The following RNF144B variants were observed in gnomAD, a reference collection of about 807,000 sequenced individuals.
The protein encoded by RNF144B is ring finger protein 144B.
Under a neutral mutation model 40.2 loss-of-function variants are expected in RNF144B, and 25 were observed. That is an observed-to-expected ratio of 0.62 (90% CI 0.45 to 0.87). The LOEUF (loss-of-function observed/expected upper bound fraction) is 0.87, where lower values mean the gene tolerates loss of function less well. RNF144B is among the 40% of genes least tolerant of loss of function. The pLI, the probability that RNF144B is intolerant of heterozygous loss-of-function variation, is 0.00. For missense variants in RNF144B, 365 were observed against 373.7 expected, an observed-to-expected ratio of 0.98 and a Z score of 0.19; for synonymous variants, 145 against 136.3, an observed-to-expected ratio of 1.06 and a Z score of -0.44.
chr6:18,451,453 A>T (rs1759208206), intron 4 of RNF144B, among the ~76,000 whole-genome samples: 4 of 152,220 alleles, frequency 2.6e-5, no homozygotes, highest in African/African-American at 9.6e-5. Flanking sequence ...AAAGAAACCT[A>T]GAAGTAAGAC....
chr6:18,417,120 A>G (rs1795160021), intron 2 of RNF144B, among the ~76,000 whole-genome samples: 1 of 152,316 alleles, frequency 6.6e-6, no homozygotes, highest in Admixed American at 6.5e-5. Flanking sequence ...TAAATAAAAG[A>G]TATCCCATCT....
intron 2 of RNF144B, among the ~76,000 whole-genome samples, chr6:18,411,462 C>CATATATATATATATATAT (rs767477071): frequency 1.7e-5 from 1 of 59,364 alleles, no homozygotes; most frequent in Non-Finnish European, 2.8e-5. Context: ...GTGCATGATT[C>CATATATATATATATATAT]ATATATATAT....
chr6:18,391,934 T>TA (rs1794589109), intron 1 of RNF144B, among the ~76,000 whole-genome samples: 1 of 142,416 alleles, frequency 7.0e-6, no homozygotes, highest in Non-Finnish European at 1.5e-5. Context: ...CGCGGTGACT[T>TA]ACGCCTGTAA....
Position 18,422,371 on chromosome 6 carries a change from G to A in RNF144B, c.166-5210G>A, listed in dbSNP as rs891361516. 2.6e-5 allele frequency among the ~76,000 whole-genome samples: 4 copies of A among 152,300 alleles called. No individual in the cohort carries two copies. Among genetic ancestry groups the A allele is most frequent in the East Asian group, 1.9e-4 (1 of 5,188 alleles). ...ACTGGAAACATTGTGATGTCATTGTGCACTGAGGCAGGGAAATGTTAGTCT... is the reference window on the plus strand; with the variant it reads ...ACTGGAAACATTGTGATGTCATTGTACACTGAGGCAGGGAAATGTTAGTCT... On this transcript the variant is annotated intron_variant, in intron 2 of 7. Coordinates refer to ENST00000259939, the MANE Select transcript of RNF144B (RefSeq NM_182757.4). This position sits in a 1 kb window ranked among gnomAD's most constrained non-coding sequence, Gnocchi z 4.7.
chr6:18,465,078 G>A lies in RNF144B; in HGVS notation c.*11G>A. On this transcript the variant is annotated 3_prime_UTR_variant, in exon 8 of 8. Coordinates refer to ENST00000259939, the MANE Select transcript of RNF144B (RefSeq NM_182757.4). ...CCATCCACAACCTAAAGATCTCTGT[G>A]TTCATACGCCCCAGATATGTGAGTT... 2 of 1,613,094 alleles carry A rather than the reference G, an allele frequency of 1.2e-6. No homozygotes were observed. Among genetic ancestry groups the A allele is most frequent in the Non-Finnish European group, 1.7e-6 (2 of 1,179,586 alleles).
At chr6:18,391,530 C>CT (rs1271831190) in intron 1 of RNF144B, among the ~76,000 whole-genome samples, 5 of 152,122 alleles carry the variant, frequency 3.3e-5, no homozygotes, top group Non-Finnish European at 7.4e-5. Flanking sequence ...GGGCCTTACC[C>CT]TGTAGGGTAA....
chr6:18,436,328 G>A (rs771911831), intron 3 of RNF144B, among the ~76,000 whole-genome samples: 1 of 152,162 alleles, frequency 6.6e-6, no homozygotes, highest in Non-Finnish European at 1.5e-5. Context: ...CTAGGTACAA[G>A]TTGGTTACCT....
rs963150019 is a variant in RNF144B, at chr6:18,459,774, G to A, written c.681+23G>A. On this transcript the variant is annotated intron_variant, in intron 6 of 7. Transcript: ENST00000259939. This position sits in a 1 kb window ranked among gnomAD's most constrained non-coding sequence, Gnocchi z 4.2. ...GATGTAAGTTCCACCTAGGTTTGTT[G>A]TATGGTGTTTCCTATACTGTATCTG... The A allele has an allele frequency of 6.2e-7, 1 of 1,611,724 alleles. No individual in the cohort carries two copies.
rs1794672097 is a variant in RNF144B at position 18,395,342 on chromosome 6, AGT to A, written c.-36-4152_-36-4151del. The stretch of plus-strand genomic sequence containing the variant: ...AATGGGAGGGACAGGAGGAGCTGGG[AGT>A]GTGTTATCAAATGCCCTGAGCTTCC... On this transcript the variant is annotated intron_variant, in intron 1 of 7. Coordinates refer to ENST00000259939, the MANE Select transcript of RNF144B (RefSeq NM_182757.4). This position sits in a 1 kb window ranked among gnomAD's most constrained non-coding sequence, Gnocchi z 4.5. 2.6e-5 allele frequency among the ~76,000 whole-genome samples: 4 copies of A among 152,014 alleles called. No individual in the cohort carries two copies. In the South Asian group the frequency reaches 8.3e-4, roughly 32 times the overall value.
At position 18,442,988 on chromosome 6, in the gene RNF144B, G is replaced by A. The variant is rs12527558; in HGVS notation, c.331+3244G>A. Among the ~76,000 whole-genome samples, 1 of 152,102 alleles carries A rather than the reference G, an allele frequency of 6.6e-6. No individual in the cohort carries two copies. Among genetic ancestry groups the A allele is most frequent in the Admixed American group, 6.5e-5 (1 of 15,272 alleles). On this transcript the variant is annotated intron_variant, in intron 4 of 7. Coordinates refer to ENST00000259939, the MANE Select transcript of RNF144B (RefSeq NM_182757.4). The surrounding 1 kb of genome is among the most constrained non-coding windows in gnomAD (Gnocchi z 4.3). ...TTTGGCTACTGTAAGTAATGCTGCT[G>A]TGAACACTGGGGTATAATCTGAGTT...
chr6:18,453,999 G>C (rs1759274278), intron 4 of RNF144B, among the ~76,000 whole-genome samples: 1 of 152,142 alleles, frequency 6.6e-6, no homozygotes, highest in Non-Finnish European at 1.5e-5. Context: ...TAATTTATTA[G>C]GTTGGTAAAA....
intron 2 of RNF144B, 68 bp from the exon 3 acceptor site, chr6:18,427,513 G>T: frequency 9.8e-7 from 1 of 1,023,176 alleles, no homozygotes; most frequent in Non-Finnish European, 1.5e-6. Flanking sequence ...CACAGTGGTG[G>T]TTCTGTTATG....
At chr6:18,409,375 C>CAAAAAAAA (rs770011648) in intron 2 of RNF144B, among the ~76,000 whole-genome samples, 2 of 59,558 alleles carry the variant, frequency 3.4e-5, no homozygotes, top group African/African-American at 7.8e-5. Flanking sequence ...GAGACTGTCT[C>CAAAAAAAA]AAAAAAAAAA....
At chr6:18,407,085 G>C (rs6931580) in intron 2 of RNF144B, among the ~76,000 whole-genome samples, 2 of 151,944 alleles carry the variant, frequency 1.3e-5, no homozygotes, top group African/African-American at 4.8e-5. Flanking sequence ...ACATCTGGGG[G>C]TTATAATTCA....
intron 3 of RNF144B, among the ~76,000 whole-genome samples, chr6:18,429,496 T>C (rs4499920): frequency 0.064 from 9,738 of 152,262 alleles, 577 homozygotes; most frequent in South Asian, 0.2. Flanking sequence ...AAGTGAGATA[T>C]AACGTTTTTT....
Position 18,450,253 on chromosome 6 carries a change from AAC to A in RNF144B, c.332-6900_332-6899del, listed in dbSNP as rs1435278320. Among the ~76,000 whole-genome samples the A allele has an allele frequency of 6.6e-6, 1 of 151,352 alleles. No individual in the cohort carries two copies. The highest frequency in any genetic ancestry group is 1.5e-5 in the Non-Finnish European group (1 of 67,942). On this transcript the variant is annotated intron_variant, in intron 4 of 7. Transcript: ENST00000259939. The surrounding 1 kb of genome is among the most constrained non-coding windows in gnomAD (Gnocchi z 4.7). ...GCCTGTGTTTAATGAGGTGTTGGTA[AAC>A]AGTCTTTGGCGGGATGAGGGGAACA...
At chr6:18,411,483 ATATATATATATATATTTT>A (rs1327462437) in intron 2 of RNF144B, among the ~76,000 whole-genome samples, 1 of 25,674 alleles carries the variant, frequency 3.9e-5, no homozygotes, top group African/African-American at 1.2e-4. Context: ...ATATATATAT[ATATATATATATATATTTT>A]TTTTTTTTTT....
intron 3 of RNF144B, among the ~76,000 whole-genome samples, chr6:18,432,238 G>A (rs1449886342): frequency 1.3e-5 from 2 of 152,086 alleles, no homozygotes; most frequent in Admixed American, 1.3e-4. Flanking sequence ...TGGTATCTGC[G>A]GGAGGTCCTG....
At chr6:18,426,531 C>T (rs948496471) in intron 2 of RNF144B, among the ~76,000 whole-genome samples, 1 of 152,184 alleles carries the variant, frequency 6.6e-6, no homozygotes, top group African/African-American at 2.4e-5. Context: ...GTCAGACTCA[C>T]ATCTTCACCC....
Sources: gnomAD v4.1 joint callset for allele counts (sites outside exome capture counted in the v4.1 genomes callset) on GRCh38, gnomAD v4.1.1 for gene constraint, Gnocchi (gnomAD v3.1) non-coding constraint, MANE v1.5 for transcripts, NCBI Gene and HGNC (gene_info 2026-07-23, HGNC 2026-07-21) for gene names.